Variants in CTNNA2 observed in about 807,000 individuals in gnomAD.
CTNNA2 encodes catenin alpha-2.
In CTNNA2, 42 loss-of-function variants were observed where a neutral mutation model predicts 101.0. The observed-to-expected ratio is 0.42, with a 90% CI of 0.32 to 0.54. CTNNA2 has a LOEUF of 0.54. CTNNA2 is among the 20% of genes least tolerant of loss of function. The pLI, the probability that CTNNA2 is intolerant of heterozygous loss-of-function variation, is 0.14. For synonymous variants in CTNNA2, 450 were observed against 456.4 expected (o/e 0.99, Z 0.18); for missense variants, 871 against 1,223.1 (o/e 0.71, Z 4.29).
rs539301204 is a variant in CTNNA2 at position 80,072,855 on chromosome 2, G to A, written c.1056+163058G>A. On this transcript the variant is annotated intron_variant, in intron 7 of 18. Transcript: ENST00000402739. ...GAGAAAGACTTCCAAGCAGGAAAAC[G>A]AGGGGAAAACGAGGGATGTTCCATT... 5.2e-4 allele frequency among the ~76,000 whole-genome samples: 79 copies of A among 152,254 alleles called. No individual in the cohort carries two copies. In the South Asian group the frequency reaches 9.5e-3, roughly 18 times the overall value.
intron 2 of CTNNA2, among the ~76,000 whole-genome samples, chr2:79,684,270 T>A (rs1000416556): frequency 3.3e-5 from 5 of 152,232 alleles, no homozygotes; most frequent in African/African-American, 1.2e-4. Flanking sequence ...CATGCAATAC[T>A]TTATGATATT....
At chr2:79,632,747 C>G (rs1380267481) in intron 1 of CTNNA2, among the ~76,000 whole-genome samples, 1 of 152,170 alleles carries the variant, frequency 6.6e-6, no homozygotes, top group East Asian at 1.9e-4. Context: ...TTGGGGCATC[C>G]AAAATGGCCC....
intron 4 of CTNNA2, among the ~76,000 whole-genome samples, chr2:79,432,850 G>C (rs554437498): frequency 6.6e-6 from 1 of 152,152 alleles, no homozygotes; most frequent in Non-Finnish European, 1.5e-5. Flanking sequence ...AATAACAAAG[G>C]CTCTCTTTTG....
chr2:80,313,821 G>C (rs1433805944), intron 7 of CTNNA2, among the ~76,000 whole-genome samples: 6 of 152,198 alleles, frequency 3.9e-5, no homozygotes, highest in Non-Finnish European at 5.9e-5. Context: ...GAGAGCAGTT[G>C]GCAGACTACC....
intron 3 of CTNNA2, among the ~76,000 whole-genome samples, chr2:79,317,883 C>T (rs904326454): frequency 6.6e-6 from 1 of 151,908 alleles, no homozygotes; most frequent in Non-Finnish European, 1.5e-5. Flanking sequence ...TCAATATGGA[C>T]ATAATTTTAA....
Position 79,479,398 on chromosome 2 carries a change from T to G in CTNNA2, c.-134-25656T>G, listed in dbSNP as rs1044558661. On this transcript the variant is annotated intron_variant, in intron 4 of 21. Transcript: ENST00000466387. ...AGACGTTTTAAAGTATATTTTCACCTGAACCACTTGAAACTTTCCATTTTG... is the reference window on the plus strand; with the variant it reads ...AGACGTTTTAAAGTATATTTTCACCGGAACCACTTGAAACTTTCCATTTTG... Among the ~76,000 whole-genome samples, 16 of 152,214 alleles carry G rather than the reference T, an allele frequency of 1.1e-4. 1 individual carries two copies. The highest frequency in any genetic ancestry group is 3.9e-4 in the African/African-American group (16 of 41,470).
At chr2:79,794,833 C>T (rs145868554) in intron 3 of CTNNA2, among the ~76,000 whole-genome samples, 2 of 152,274 alleles carry the variant, frequency 1.3e-5, no homozygotes, top group African/African-American at 4.8e-5. Context: ...ATATTGTCTT[C>T]AGCATCTTAC....
chr2:79,347,401 GATA>G (rs1677285531), intron 3 of CTNNA2, among the ~76,000 whole-genome samples: 1 of 152,112 alleles, frequency 6.6e-6, no homozygotes, highest in South Asian at 2.1e-4. Context: ...GTTAAATGAA[GATA>G]ATAATAGTAC....
chr2:79,617,609 G>C (rs1453462825), intron 1 of CTNNA2, among the ~76,000 whole-genome samples: 1 of 151,980 alleles, frequency 6.6e-6, no homozygotes, highest in Non-Finnish European at 1.5e-5. Flanking sequence ...TAATTCATTA[G>C]TTTTGCTTTA....
At chr2:80,505,755 T>G (rs1688227559) in intron 9 of CTNNA2, among the ~76,000 whole-genome samples, 1 of 152,198 alleles carries the variant, frequency 6.6e-6, no homozygotes, top group Non-Finnish European at 1.5e-5. Context: ...TGCAGATACC[T>G]TGTTAACTCA....
chr2:79,783,462 C>A (rs1674607963), intron 3 of CTNNA2, among the ~76,000 whole-genome samples: 2 of 152,168 alleles, frequency 1.3e-5, no homozygotes, highest in African/African-American at 4.8e-5. Context: ...TTATTTCTCT[C>A]TTCTCTGAAC....
intron 1 of CTNNA2, among the ~76,000 whole-genome samples, chr2:79,520,339 T>C (rs1672035968): frequency 6.6e-6 from 1 of 152,212 alleles, no homozygotes; most frequent in Non-Finnish European, 1.5e-5. Context: ...GTGCTCATTT[T>C]TATATTCCTT....
chr2:79,928,997 TAGATTA>T (rs1380742684), intron 7 of CTNNA2, among the ~76,000 whole-genome samples: 2 of 152,204 alleles, frequency 1.3e-5, no homozygotes, highest in Non-Finnish European at 2.9e-5. Flanking sequence ...TGTGGGTTCA[TAGATTA>T]AGTATCTGTA....
At chr2:80,548,878 C>T (rs1692322255) in intron 11 of CTNNA2, among the ~76,000 whole-genome samples, 1 of 152,272 alleles carries the variant, frequency 6.6e-6, no homozygotes, top group Non-Finnish European at 1.5e-5. Flanking sequence ...TTTGAAGTGG[C>T]ATTAATGATA....
intron 7 of CTNNA2, among the ~76,000 whole-genome samples, chr2:80,022,913 T>A (rs998773777): frequency 2.0e-5 from 3 of 152,198 alleles, no homozygotes; most frequent in African/African-American, 7.2e-5. Flanking sequence ...TGGGGTCCGT[T>A]GGGAGCTTTA....
chr2:79,307,375 C>G (rs1389886821), intron 2 of CTNNA2, among the ~76,000 whole-genome samples: 2 of 152,160 alleles, frequency 1.3e-5, no homozygotes, highest in African/African-American at 4.8e-5. Flanking sequence ...TTTAACAAAT[C>G]TATCCTTCCT....
intron 9 of CTNNA2, among the ~76,000 whole-genome samples, chr2:80,422,391 C>T (rs908166344): frequency 6.6e-6 from 1 of 151,868 alleles, no homozygotes; most frequent in African/African-American, 2.4e-5. Context: ...AATAGGAACA[C>T]AGCCAAACCA....
chr2:79,321,918 G>A (rs1005569667), intron 3 of CTNNA2, among the ~76,000 whole-genome samples: 8 of 152,022 alleles, frequency 5.3e-5, no homozygotes, highest in Non-Finnish European at 1.0e-4. Context: ...AAACCACAAG[G>A]CTTTAAACAG....
chr2:80,043,118 T>C (rs57323988), intron 7 of CTNNA2, among the ~76,000 whole-genome samples: 3 of 53,168 alleles, frequency 5.6e-5, no homozygotes, highest in South Asian at 1.2e-3. Context: ...TCTCTTTCTT[T>C]CTCCTTCCTT....
Sources: allele counts gnomAD v4.1 joint callset (sites outside exome capture counted in the v4.1 genomes callset), GRCh38; gene constraint gnomAD v4.1.1; transcripts MANE v1.5; gene names NCBI Gene and HGNC (gene_info 2026-07-23, HGNC 2026-07-21).